The following GPC6 variants were observed in gnomAD, a reference collection of about 807,000 sequenced individuals.
The protein encoded by GPC6 is glypican 6.
In GPC6, 14 loss-of-function variants were observed where a neutral mutation model predicts 55.2. The ratio of observed to expected loss-of-function variants is 0.25; its 90% CI spans 0.17 to 0.40. GPC6 has a LOEUF of 0.40. GPC6 is among the 10% of genes least tolerant of loss of function. The pLI is 1.00. For synonymous variants in GPC6, 278 were observed against 259.6 expected (o/e 1.07, Z -0.68); for missense variants, 641 against 708.5 (o/e 0.90, Z 1.08).
chr13:94,056,021 C>A (rs1291275759), intron 4 of GPC6, among the ~76,000 whole-genome samples: 1 of 152,188 alleles, frequency 6.6e-6, no homozygotes, highest in Non-Finnish European at 1.5e-5. Context: ...CCCAGCCCCT[C>A]TTAGCTTCCT....
chr13:93,898,962 TATATAC>T (rs1876184298), intron 3 of GPC6, among the ~76,000 whole-genome samples: 1 of 146,606 alleles, frequency 6.8e-6, no homozygotes, highest in Non-Finnish European at 1.5e-5. Context: ...TATATATATA[TATATAC>T]ACACACATAT....
intron 1 of GPC6, among the ~76,000 whole-genome samples, chr13:93,352,358 T>G (rs1010264853): frequency 1.3e-5 from 2 of 152,254 alleles, no homozygotes; most frequent in Admixed American, 1.3e-4. Context: ...TTATTGTTAA[T>G]ATAGCAATGG....
intron 7 of GPC6, among the ~76,000 whole-genome samples, chr13:94,389,620 T>C (rs1463095883): frequency 1.3e-5 from 2 of 152,164 alleles, no homozygotes; most frequent in Non-Finnish European, 2.9e-5. Context: ...CAGACCCTTT[T>C]TCCAAACTCA....
chr13:93,576,098 C>T (rs1876650502), intron 2 of GPC6, among the ~76,000 whole-genome samples: 1 of 151,972 alleles, frequency 6.6e-6, no homozygotes, highest in Non-Finnish European at 1.5e-5. Flanking sequence ...ATATTTACCC[C>T]AACTGAAAGA....
chr13:93,643,776 A>T (rs1333387175), intron 2 of GPC6, among the ~76,000 whole-genome samples: 1 of 152,042 alleles, frequency 6.6e-6, no homozygotes, highest in Non-Finnish European at 1.5e-5. Flanking sequence ...GATTCTTGTT[A>T]TGCCAAAGTG....
chr13:94,286,829 C>G (rs1436175716), intron 5 of GPC6, among the ~76,000 whole-genome samples: 1 of 152,190 alleles, frequency 6.6e-6, no homozygotes, highest in East Asian at 1.9e-4. Context: ...GCCCTGTTCT[C>G]TGTCTAGCAA....
intron 4 of GPC6, among the ~76,000 whole-genome samples, chr13:94,278,754 G>A (rs1892285843): frequency 6.6e-6 from 1 of 152,186 alleles, no homozygotes; most frequent in Non-Finnish European, 1.5e-5. Context: ...ATTTGTATAT[G>A]TTGAGCCAGC....
chr13:93,633,682 A>T (rs1351965134), intron 2 of GPC6, among the ~76,000 whole-genome samples: 1 of 149,538 alleles, frequency 6.7e-6, no homozygotes, highest in South Asian at 2.1e-4. Flanking sequence ...AAATAACCAA[A>T]GTTTTTGCCA....
chr13:94,262,706 G>C (rs1399691089), intron 4 of GPC6, among the ~76,000 whole-genome samples: 1 of 151,664 alleles, frequency 6.6e-6, no homozygotes, highest in East Asian at 1.9e-4. Context: ...TGAATCACTG[G>C]TCTAAAGGTA....
chr13:93,762,610 G>A (rs536557570), intron 2 of GPC6, among the ~76,000 whole-genome samples: 28 of 152,240 alleles, frequency 1.8e-4, no homozygotes, highest in Non-Finnish European at 4.4e-5. Context: ...GACTGGCAGG[G>A]AACTTTAAAA....
intron 2 of GPC6, among the ~76,000 whole-genome samples, chr13:93,676,907 C>T (rs574163436): frequency 6.6e-6 from 1 of 151,234 alleles, no homozygotes; most frequent in South Asian, 2.1e-4. Flanking sequence ...AGAGATGAAG[C>T]GAGGTACTGT....
intron 2 of GPC6, among the ~76,000 whole-genome samples, chr13:93,719,126 C>CA (rs1431240856): frequency 1.3e-5 from 2 of 151,992 alleles, no homozygotes; most frequent in African/African-American, 4.8e-5. Context: ...CGAAGAAAGT[C>CA]AAAGGTAGCT....
At chr13:93,804,325 A>T (rs1490009224) in intron 2 of GPC6, among the ~76,000 whole-genome samples, 1 of 152,118 alleles carries the variant, frequency 6.6e-6, no homozygotes, top group Non-Finnish European at 1.5e-5. Context: ...TAGCTTGATG[A>T]TTTGTAATTG....
chr13:93,498,848 G>C (rs547636395), intron 1 of GPC6, among the ~76,000 whole-genome samples: 1 of 152,122 alleles, frequency 6.6e-6, no homozygotes, highest in South Asian at 2.1e-4. Context: ...TTGCCATCCA[G>C]AGACTTTTTC....
intron 2 of GPC6, among the ~76,000 whole-genome samples, chr13:93,547,848 AT>A (rs1234755307): frequency 2.0e-5 from 3 of 152,208 alleles, no homozygotes; most frequent in Non-Finnish European, 2.9e-5. Context: ...AATTTCTGCT[AT>A]TTTCTCTGGG....
intron 4 of GPC6, among the ~76,000 whole-genome samples, chr13:94,279,030 C>T (rs1892294312): frequency 6.6e-6 from 1 of 152,078 alleles, no homozygotes; most frequent in Non-Finnish European, 1.5e-5. Flanking sequence ...CCTCTTTGTA[C>T]CTCTGGTAGA....
chr13:93,997,424 A>G (rs987901339), intron 3 of GPC6, among the ~76,000 whole-genome samples: 2 of 152,202 alleles, frequency 1.3e-5, no homozygotes, highest in Non-Finnish European at 2.9e-5. Context: ...TAGTCCCAAC[A>G]TAAAATAATG....
chr13:94,277,417 A>G (rs1419394227), intron 4 of GPC6, among the ~76,000 whole-genome samples: 1 of 152,106 alleles, frequency 6.6e-6, no homozygotes, highest in African/African-American at 2.4e-5. Flanking sequence ...TTTGCTGTGC[A>G]GAAGCTCTTT....
chr13:93,332,861 A>G (rs1879901488), intron 1 of GPC6, among the ~76,000 whole-genome samples: 1 of 151,988 alleles, frequency 6.6e-6, no homozygotes, highest in Non-Finnish European at 1.5e-5. Flanking sequence ...TATTTAATTC[A>G]TTTTGGTTTG....
Sources: allele counts gnomAD v4.1 joint callset (sites outside exome capture counted in the v4.1 genomes callset), GRCh38; gene constraint gnomAD v4.1.1; transcripts MANE v1.5; gene names NCBI Gene and HGNC (gene_info 2026-07-23, HGNC 2026-07-21).